Variants in PTPRN2 observed in about 807,000 individuals in gnomAD.
PTPRN2 encodes the protein protein tyrosine phosphatase receptor type N2.
A neutral mutation model predicts 118.8 loss-of-function variants in PTPRN2; 74 were observed. That is an observed-to-expected ratio of 0.62 (90% CI 0.52 to 0.76). The LOEUF (loss-of-function observed/expected upper bound fraction) is 0.76. PTPRN2 is among the 30% of genes least tolerant of loss of function. The pLI, the probability that PTPRN2 is intolerant of heterozygous loss-of-function variation, is 0.00. For synonymous variants in PTPRN2, 641 were observed against 608.0 expected, an observed-to-expected ratio of 1.05 and a Z score of -0.80; for missense variants, 1,481 against 1,394.4, an observed-to-expected ratio of 1.06 and a Z score of -0.99.
chr7:158,040,983 G>A (rs1051003414), intron 11 of PTPRN2, among the ~76,000 whole-genome samples: 2 of 152,144 alleles, frequency 1.3e-5, no homozygotes, highest in African/African-American at 4.8e-5. Context: ...TGCCCGCCTC[G>A]GCCTCCCAAA....
Position 158,116,745 on chromosome 7 carries a change from A to G in PTPRN2, c.1557-5830T>C, listed in dbSNP as rs568907557. On this transcript the variant is annotated intron_variant, in intron 9 of 22. Transcript: ENST00000389418. ...GCTAACACCCATTTTTCCCACCTTC[A>G]TTTTTCTCTTTTTCCGCTTTTGGGA... 1.5e-3 allele frequency among the ~76,000 whole-genome samples: 233 copies of G among 152,168 alleles called. 1 individual carries two copies. Among genetic ancestry groups the G allele is most frequent in the Non-Finnish European group, 2.8e-3 (190 of 68,004 alleles).
At chr7:158,036,420 C>A (rs574653744) in intron 11 of PTPRN2, among the ~76,000 whole-genome samples, 3 of 152,240 alleles carry the variant, frequency 2.0e-5, no homozygotes, top group East Asian at 3.9e-4. Context: ...TCCTCCTATG[C>A]GGATTTTAGA....
chr7:158,234,474 T>G (rs1829390361), intron 3 of PTPRN2, among the ~76,000 whole-genome samples: 1 of 148,682 alleles, frequency 6.7e-6, no homozygotes, highest in Non-Finnish European at 1.5e-5. Context: ...TAAACAGATA[T>G]AGTCATCAAA....
At chr7:157,689,198 T>C (rs1797348903) in intron 12 of PTPRN2, among the ~76,000 whole-genome samples, 2 of 152,204 alleles carry the variant, frequency 1.3e-5, no homozygotes, top group African/African-American at 2.4e-5. Flanking sequence ...TCCAGCTCCC[T>C]CCTCCGCACA....
intron 2 of PTPRN2, among the ~76,000 whole-genome samples, chr7:158,326,889 GCA>G (rs138082778): frequency 6.1e-4 from 88 of 144,730 alleles, no homozygotes; most frequent in South Asian, 2.5e-3. Context: ...TCTCACACAT[GCA>G]CACATTCTCA....
At chr7:158,081,262 G>C (rs746235377) in intron 11 of PTPRN2, 36 bp downstream of exon 11, 4 of 1,535,570 alleles carry the variant, frequency 2.6e-6, no homozygotes, top group South Asian at 2.3e-5. Flanking sequence ...GCACACACGT[G>C]TGTGTGCGTG....
At chr7:158,393,319 G>T (rs1812085316) in intron 2 of PTPRN2, among the ~76,000 whole-genome samples, 1 of 152,236 alleles carries the variant, frequency 6.6e-6, no homozygotes, top group South Asian at 2.1e-4. Flanking sequence ...AACACGCTCT[G>T]CCACGAACAC....
chr7:157,898,842 C>A, intron 11 of PTPRN2, 105 bp from the exon 12 acceptor site: 1 of 959,210 alleles, frequency 1.0e-6, no homozygotes, highest in South Asian at 1.4e-5. Flanking sequence ...TACATGACTG[C>A]TTGACCCGCC....
rs147889096 is a variant in PTPRN2 at position 158,174,039 on chromosome 7, G to A, written c.550-6748C>T. ...CATCCTCAGCTTATGAAGATGATGGGATTAAGAGATTAAAGACAGGCATAG... is the reference window on the plus strand; with the variant it reads ...CATCCTCAGCTTATGAAGATGATGGAATTAAGAGATTAAAGACAGGCATAG... On this transcript the variant is annotated intron_variant, in intron 5 of 22. Transcript: ENST00000389418. 4.1e-3 allele frequency among the ~76,000 whole-genome samples: 629 copies of A among 152,276 alleles called. 2 individuals are homozygous for A. The highest frequency in any genetic ancestry group is 0.014 in the African/African-American group (587 of 41,548).
chr7:157,900,564 G>A (rs73745009), intron 11 of PTPRN2, among the ~76,000 whole-genome samples: 2 of 152,194 alleles, frequency 1.3e-5, no homozygotes, highest in African/African-American at 4.8e-5. Context: ...TGCTGGCCCT[G>A]AGGTCCAGGT....
chr7:158,384,429 G>A (rs960159336), intron 2 of PTPRN2, among the ~76,000 whole-genome samples: 36 of 150,150 alleles, frequency 2.4e-4, no homozygotes, highest in African/African-American at 8.9e-4. Context: ...TTTTCCCGCT[G>A]ATCTCAGTGA....
intron 2 of PTPRN2, among the ~76,000 whole-genome samples, chr7:158,478,153 C>T (rs539897958): frequency 8.5e-5 from 13 of 152,244 alleles, no homozygotes; most frequent in Non-Finnish European, 1.6e-4. Flanking sequence ...GGTCATCACA[C>T]AGCACGGGAG....
rs151256743 is a variant in PTPRN2 at position 158,447,472 on chromosome 7, A to G, written c.163+42263T>C. On this transcript the variant is annotated intron_variant, in intron 2 of 22. Transcript: ENST00000389418. The stretch of plus-strand genomic sequence containing the variant: ...GACGGACTCAGGCCAGGGCGGCACC[A>G]CCTGCCCAGCTGGGCAGCCCAGAAG... Among the ~76,000 whole-genome samples the G allele has an allele frequency of 7.0e-3, 1,072 of 152,128 alleles. 13 individuals carry two copies. The highest frequency in any genetic ancestry group is 0.025 in the African/African-American group (1,024 of 41,504).
At chr7:158,045,207 A>G (rs1259291636) in intron 11 of PTPRN2, among the ~76,000 whole-genome samples, 1 of 152,238 alleles carries the variant, frequency 6.6e-6, no homozygotes, top group Non-Finnish European at 1.5e-5. Flanking sequence ...GACAGCAGTC[A>G]TGTGGCGCAC....
chr7:157,987,511 T>G lies in PTPRN2; in HGVS notation c.1724-88774A>C, dbSNP rs1478411113. On this transcript the variant is annotated intron_variant, in intron 11 of 22. Coordinates refer to ENST00000389418, the MANE Select transcript of PTPRN2 (RefSeq NM_002847.5). This position sits in a 1 kb window ranked among gnomAD's most constrained non-coding sequence, Gnocchi z 4.3. The stretch of plus-strand genomic sequence containing the variant: ...TGATGACCTGTCAGTCATTATCTCT[T>G]GCATAAGAGACTTCCCAGGGGCAGA... Among the ~76,000 whole-genome samples, 1 of 152,064 alleles carries G rather than the reference T, an allele frequency of 6.6e-6. No individual in the cohort carries two copies. The highest frequency in any genetic ancestry group is 1.5e-5 in the Non-Finnish European group (1 of 68,000).
At chr7:158,299,735 C>A (rs1438804543) in intron 3 of PTPRN2, among the ~76,000 whole-genome samples, 1 of 152,212 alleles carries the variant, frequency 6.6e-6, no homozygotes, top group Non-Finnish European at 1.5e-5. Context: ...TGGCTGCATT[C>A]ATCCTTCACT....
At chr7:157,862,484 A>C (rs970726700) in intron 12 of PTPRN2, 1 of 152,214 alleles carries the variant, frequency 6.6e-6, no homozygotes, top group African/African-American at 2.4e-5. Context: ...CCACTAGATT[A>C]TTTACTAACT....
intron 3 of PTPRN2, among the ~76,000 whole-genome samples, chr7:158,313,270 T>C (rs954349915): frequency 2.6e-5 from 4 of 152,168 alleles, no homozygotes; most frequent in Non-Finnish European, 5.9e-5. Context: ...GTCGTCCTCC[T>C]GCCACGGGGT....
intron 1 of PTPRN2, among the ~76,000 whole-genome samples, chr7:158,542,609 T>C (rs1457377224): frequency 6.6e-6 from 1 of 152,204 alleles, no homozygotes; most frequent in African/African-American, 2.4e-5. Flanking sequence ...CGTCCATCCC[T>C]CTCCCAGCGG....
Sources: allele counts gnomAD v4.1 joint callset (sites outside exome capture counted in the v4.1 genomes callset), GRCh38; gene constraint gnomAD v4.1.1; non-coding constraint Gnocchi (gnomAD v3.1); transcripts MANE v1.5; gene names NCBI Gene and HGNC (gene_info 2026-07-23, HGNC 2026-07-21).